Variants in GRIN2B observed in about 807,000 individuals in gnomAD.
The protein encoded by GRIN2B is glutamate receptor ionotropic, NMDA 2B.
In GRIN2B, 5 loss-of-function variants were observed where a neutral mutation model predicts 114.5. That is an observed-to-expected ratio of 0.04 (90% confidence interval 0.02 to 0.09). The LOEUF is 0.09. GRIN2B is among the 10% of genes least tolerant of loss of function. The pLI is 1.00. For missense variants in GRIN2B, 1,108 were observed against 1,943.5 expected (o/e 0.57, Z 8.08); for synonymous variants, 787 against 745.1 (o/e 1.06, Z -0.92).
chr12:13,693,916 G>A (rs1950235524), intron 4 of GRIN2B, among the ~76,000 whole-genome samples: 1 of 152,034 alleles, frequency 6.6e-6, no homozygotes, highest in African/African-American at 2.4e-5. Flanking sequence ...ACCAGTTCTG[G>A]TCACCAACTA....
chr12:13,588,303 C>T (rs1286281883), intron 10 of GRIN2B, among the ~76,000 whole-genome samples: 1 of 152,200 alleles, frequency 6.6e-6, no homozygotes, highest in Non-Finnish European at 1.5e-5. Flanking sequence ...GGCTCCATCA[C>T]TAGGCAGGTG....
At chr12:13,968,738 A>G (rs1336753305) in intron 2 of GRIN2B, among the ~76,000 whole-genome samples, 1 of 152,232 alleles carries the variant, frequency 6.6e-6, no homozygotes, top group East Asian at 1.9e-4. Context: ...GAGATATTTG[A>G]AACAAAACTA....
At chr12:13,822,496 G>A (rs1351335885) in intron 3 of GRIN2B, among the ~76,000 whole-genome samples, 1 of 152,118 alleles carries the variant, frequency 6.6e-6, no homozygotes, top group Non-Finnish European at 1.5e-5. Context: ...AGGTAAATAT[G>A]ATAGAATAAG....
At chr12:13,631,254 G>A (rs76147103) in intron 5 of GRIN2B, among the ~76,000 whole-genome samples, 4 of 152,230 alleles carry the variant, frequency 2.6e-5, no homozygotes, top group African/African-American at 7.2e-5. Flanking sequence ...AAGGGCAGGC[G>A]GATATCTGGT....
chr12:13,902,945 T>A (rs563946968), intron 2 of GRIN2B, among the ~76,000 whole-genome samples: 4 of 152,330 alleles, frequency 2.6e-5, no homozygotes, highest in Admixed American at 2.6e-4. Context: ...ATCATAATCT[T>A]TGAGTTTTCT....
intron 3 of GRIN2B, among the ~76,000 whole-genome samples, chr12:13,844,331 T>C (rs1865434087): frequency 6.6e-6 from 1 of 152,234 alleles, no homozygotes; most frequent in African/African-American, 2.4e-5. Context: ...TTCCTCATTC[T>C]AGATAGCTGC....
At position 13,616,749 on chromosome 12, in the gene GRIN2B, G is replaced by A. The variant is rs945014254; in HGVS notation, c.1126-92C>T. 4.8e-6 allele frequency: 5 copies of A among 1,042,170 alleles called. No homozygotes were observed. In the African/African-American group the frequency reaches 6.2e-5, roughly 13 times the overall value. 64.6% of individuals were successfully genotyped at this position (1,042,170 alleles called of 1,614,324 possible). A position where few individuals can be genotyped will look rare whatever the true frequency, so the allele number is the denominator to read the frequency against. Reference sequence around the variant, plus strand: ...ATTGTCTGAACAATCCCAGGAAGCAGTTGAACAAAAGCCAACAAGTGCCAA... The same window carrying A: ...ATTGTCTGAACAATCCCAGGAAGCAATTGAACAAAAGCCAACAAGTGCCAA... On this transcript the variant is annotated intron_variant, in intron 5 of 13. Coordinates refer to ENST00000609686, the MANE Select transcript of GRIN2B (RefSeq NM_000834.5).
At chr12:13,914,228 TCCTCCCCACC>T (rs1866672463) in intron 2 of GRIN2B, among the ~76,000 whole-genome samples, 1 of 151,774 alleles carries the variant, frequency 6.6e-6, no homozygotes. Flanking sequence ...TCCTCCCCAC[TCCTCCCCACC>T]CCTAAAGCCA....
At chr12:13,899,389 G>GCATAT (rs1866406977) in intron 2 of GRIN2B, among the ~76,000 whole-genome samples, 3,298 of 146,654 alleles carry the variant, frequency 0.022, 355 homozygotes, top group Non-Finnish European at 0.035. Flanking sequence ...AAAAGGAAGT[G>GCATAT]GGTCAGTGTC....
intron 2 of GRIN2B, among the ~76,000 whole-genome samples, chr12:13,875,146 C>A (rs1865975123): frequency 6.6e-6 from 1 of 152,106 alleles, no homozygotes; most frequent in Admixed American, 6.5e-5. Flanking sequence ...CATCGTTCAG[C>A]TCCCATTTAT....
intron 3 of GRIN2B, among the ~76,000 whole-genome samples, chr12:13,774,073 C>T (rs184266976): frequency 7.2e-4 from 109 of 152,294 alleles, no homozygotes; most frequent in Non-Finnish European, 1.5e-4. Context: ...TGAGTAAACT[C>T]CTAGTGCTCT....
At chr12:13,739,800 C>T (rs570695059) in intron 4 of GRIN2B, among the ~76,000 whole-genome samples, 2 of 152,308 alleles carry the variant, frequency 1.3e-5, no homozygotes, top group East Asian at 3.9e-4. Context: ...CTAGAGGCCG[C>T]TCTGAGCCAG....
Position 13,549,436 on chromosome 12 carries a change from T to C in GRIN2B, c.*13347A>G, listed in dbSNP as rs559270168. 3.9e-5 allele frequency: 6 copies of C among 152,308 alleles called. No individual in the cohort carries two copies. The highest frequency in any genetic ancestry group is 8.8e-5 in the Non-Finnish European group (6 of 68,020). The allele number at this position is 152,308 out of a possible 1,614,324, so 9.4% of individuals were successfully genotyped here. A position where few individuals can be genotyped will look rare whatever the true frequency, so the allele number is the denominator to read the frequency against. On this transcript the variant is annotated 3_prime_UTR_variant, in exon 14 of 14. Coordinates refer to ENST00000609686, the MANE Select transcript of GRIN2B (RefSeq NM_000834.5). ...TATATTTTTCTGTTCAGAACTAACTTATGCCTTAATCCTAGAATCAGGCTT... is the reference window on the plus strand; with the variant it reads ...TATATTTTTCTGTTCAGAACTAACTCATGCCTTAATCCTAGAATCAGGCTT...
chr12:13,834,264 C>T (rs1455772479), intron 3 of GRIN2B, among the ~76,000 whole-genome samples: 1 of 148,050 alleles, frequency 6.8e-6, no homozygotes, highest in Admixed American at 6.9e-5. Flanking sequence ...GTCTGGATCT[C>T]CTGACCTCGT....
At chr12:13,657,057 C>T (rs994161962) in intron 5 of GRIN2B, among the ~76,000 whole-genome samples, 3 of 152,178 alleles carry the variant, frequency 2.0e-5, no homozygotes, top group African/African-American at 7.2e-5. Context: ...AGTCACACAG[C>T]ATGGGATTGC....
intron 3 of GRIN2B, among the ~76,000 whole-genome samples, chr12:13,768,033 T>C (rs1863831571): frequency 6.6e-6 from 1 of 152,224 alleles, no homozygotes; most frequent in Non-Finnish European, 1.5e-5. Context: ...AATAAAACTC[T>C]TCAGCTACCT....
intron 2 of GRIN2B, among the ~76,000 whole-genome samples, chr12:13,968,727 A>G (rs925890232): frequency 9.2e-5 from 14 of 152,248 alleles, no homozygotes; most frequent in Admixed American, 5.2e-4. Flanking sequence ...AATAGCTGAT[A>G]GAGATATTTG....
Position 13,753,880 on chromosome 12 carries a change from T to C in GRIN2B, c.447A>G (p.Ser149=). Residue 149 remains serine (S), a synonymous_variant, in exon 4 of 14, where the codon TCA becomes TCG. Coordinates refer to ENST00000609686, the MANE Select transcript of GRIN2B (RefSeq NM_000834.5). This position sits in a 1 kb window ranked among gnomAD's most constrained non-coding sequence, Gnocchi z 6.2. ...GCATTACGGAAGCTTGCTGTTCAAT[T>C]GATGGGCCAAACTGGAAGAACATGG... The part of the protein sequence containing the change: ...ESSMFFQFGP[S]IEQQASVMLN... 1 of 1,613,038 alleles carries C rather than the reference T, an allele frequency of 6.2e-7. No homozygotes were observed. Among genetic ancestry groups the C allele is most frequent in the Non-Finnish European group, 8.5e-7 (1 of 1,179,130 alleles).
chr12:13,595,087 G>A (rs1362766118), intron 10 of GRIN2B, among the ~76,000 whole-genome samples: 1 of 152,194 alleles, frequency 6.6e-6, no homozygotes, highest in African/African-American at 2.4e-5. Flanking sequence ...ATTCTGAAAT[G>A]TTGGGGCAAG....
Sources: gnomAD v4.1 joint callset for allele counts (sites outside exome capture counted in the v4.1 genomes callset) on GRCh38, gnomAD v4.1.1 for gene constraint, Gnocchi (gnomAD v3.1) non-coding constraint, MANE v1.5 for transcripts, NCBI Gene and HGNC (gene_info 2026-07-23, HGNC 2026-07-21) for gene names.